Variants in WASF1 observed in about 807,000 individuals in gnomAD.
WASF1 encodes WASP family member 1.
In WASF1, 7 loss-of-function variants were observed where a neutral mutation model predicts 50.5. The observed-to-expected ratio is 0.14, with a 90% CI of 0.08 to 0.26. The LOEUF is 0.26. WASF1 is among the 10% of genes least tolerant of loss of function. WASF1 has a pLI of 1.00. For missense variants in WASF1, 470 were observed against 694.7 expected (o/e 0.68, Z 3.64); for synonymous variants, 205 against 244.0 (o/e 0.84, Z 1.49).
chr6:110,136,175 C>T (rs1013511296), intron 3 of WASF1, among the ~76,000 whole-genome samples: 6 of 152,048 alleles, frequency 3.9e-5, no homozygotes, highest in African/African-American at 7.2e-5. Flanking sequence ...TGAGCCACTG[C>T]GCCCAGCCAA....
chr6:110,101,338 A>C (rs1773075937), intron 10 of WASF1, among the ~76,000 whole-genome samples: 1 of 152,186 alleles, frequency 6.6e-6, no homozygotes, highest in Non-Finnish European at 1.5e-5. Flanking sequence ...TGATATATTA[A>C]ATTTCTCATT....
intron 4 of WASF1, among the ~76,000 whole-genome samples, chr6:110,120,690 A>G (rs1562168397): frequency 6.6e-6 from 1 of 152,258 alleles, no homozygotes. Context: ...AAACTACTTT[A>G]AAGTTCATAT....
intron 4 of WASF1, among the ~76,000 whole-genome samples, chr6:110,116,448 G>T (rs1316614866): frequency 6.6e-6 from 1 of 152,158 alleles, no homozygotes; most frequent in African/African-American, 2.4e-5. Context: ...GGCAGTCTGA[G>T]ATCAACCTGT....
At position 110,113,452 on chromosome 6, in the gene WASF1, C is replaced by A. The variant is rs770273389; in HGVS notation, c.142G>T (p.Ala48Ser). The A allele has an allele frequency of 1.3e-6, 2 of 1,588,810 alleles. No homozygotes were observed. The highest frequency in any genetic ancestry group is 8.5e-7 in the Non-Finnish European group (1 of 1,170,526). The change falls in exon 5 of 11, where the codon GCT becomes TCT. Residue 48 changes from alanine (A) to serine (S), a missense_variant. By Grantham distance (99) the Ala-to-Ser change is moderately conservative. Coordinates refer to ENST00000392589, the MANE Select transcript of WASF1 (RefSeq NM_003931.3). ...AATAATTCTCCAAATATATCTTCAGCATATTTACCTAAGCAAAAATGACAC... is the reference window on the plus strand; with the variant it reads ...AATAATTCTCCAAATATATCTTCAGAATATTTACCTAAGCAAAAATGACAC... ...IRQLSSLSKY[A>S]EDIFGELFNE...
In WASF1 at chr6:110,127,536, A is replaced by C; in HGVS notation, c.66T>G (p.Ile22Met). ...HLCHTALPRG[I>M]KNELECVTNI... ...TGGTTACACATTCCAGTTCATTCTTAATGCCTCTAGGCAGTGCTGTGTGGC... is the reference window on the plus strand; with the variant it reads ...TGGTTACACATTCCAGTTCATTCTTCATGCCTCTAGGCAGTGCTGTGTGGC... The change falls in exon 4 of 11, where the codon ATT becomes ATG. Residue 22 changes from isoleucine to methionine, a missense_variant. Transcript: ENST00000392589. 1.9e-6 allele frequency: 3 copies of C among 1,604,644 alleles called. No homozygotes were observed. Among genetic ancestry groups the C allele is most frequent in the Non-Finnish European group, 2.6e-6 (3 of 1,176,020 alleles).
intron 4 of WASF1, among the ~76,000 whole-genome samples, chr6:110,119,978 CA>C (rs1043316661): frequency 3.3e-5 from 5 of 152,114 alleles, no homozygotes; most frequent in Non-Finnish European, 5.9e-5. Context: ...AGGCCTTCAA[CA>C]AAATTCAACA....
At chr6:110,122,220 G>A (rs1392933383) in intron 4 of WASF1, among the ~76,000 whole-genome samples, 1 of 144,764 alleles carries the variant, frequency 6.9e-6, no homozygotes, top group Non-Finnish European at 1.5e-5. Flanking sequence ...GCAGATCTCC[G>A]ATTTTAAAAA....
At chr6:110,177,331 T>C (rs1220699180) in intron 2 of WASF1, 1 of 152,058 alleles carries the variant, frequency 6.6e-6, no homozygotes, top group Non-Finnish European at 1.5e-5. Flanking sequence ...TATGTAGGTA[T>C]TAACTGTAAT....
At chr6:110,134,284 G>T (rs899979913) in intron 3 of WASF1, among the ~76,000 whole-genome samples, 1 of 152,006 alleles carries the variant, frequency 6.6e-6, no homozygotes, top group Non-Finnish European at 1.5e-5. Context: ...GTGGCTTGCC[G>T]ATTATCGCAG....
intron 2 of WASF1, among the ~76,000 whole-genome samples, chr6:110,170,664 G>A (rs1229486206): frequency 1.3e-5 from 2 of 150,010 alleles, no homozygotes; most frequent in Non-Finnish European, 3.0e-5. Context: ...AAGAGACAGA[G>A]TAGATTAAAA....
At chr6:110,120,857 G>C (rs1156953732) in intron 4 of WASF1, among the ~76,000 whole-genome samples, 1 of 152,148 alleles carries the variant, frequency 6.6e-6, no homozygotes, top group African/African-American at 2.4e-5. Context: ...CAATGGAACA[G>C]AACAGAGCCC....
intron 3 of WASF1, among the ~76,000 whole-genome samples, chr6:110,133,753 A>G (rs1373450245): frequency 6.6e-6 from 1 of 151,800 alleles, no homozygotes; most frequent in Non-Finnish European, 1.5e-5. Context: ...ATTTGAGTTC[A>G]TTGTAGATTC....
At chr6:110,120,728 A>C (rs1020048849) in intron 4 of WASF1, among the ~76,000 whole-genome samples, 7 of 152,264 alleles carry the variant, frequency 4.6e-5, no homozygotes. Flanking sequence ...TGCATAGCCA[A>C]GACAATCCTA....
intron 3 of WASF1, among the ~76,000 whole-genome samples, chr6:110,128,511 CTTTA>C (rs1442223157): frequency 6.6e-6 from 1 of 152,178 alleles, no homozygotes; most frequent in Admixed American, 6.5e-5. Flanking sequence ...TCTACCAAAT[CTTTA>C]TTTAACTGAT....
At chr6:110,169,968 T>C (rs941752780) in intron 2 of WASF1, among the ~76,000 whole-genome samples, 29 of 152,066 alleles carry the variant, frequency 1.9e-4, no homozygotes. Flanking sequence ...GCATGTGATG[T>C]TCAAACTGCA....
In WASF1 at chr6:110,100,538, ACTT is replaced by A; in HGVS notation, c.1661_1663del (p.Glu554del). On this transcript the variant is annotated inframe_deletion, in exon 11 of 11. Transcript: ENST00000392589. ...GCATTTTTCTTACTCCAACCAATCT[ACTT>A]CATCAAATTCTGAATCATCTTCCGA... The A allele has an allele frequency of 6.2e-7, 1 of 1,612,380 alleles. No homozygotes were observed. The highest frequency in any genetic ancestry group is 2.2e-5 in the East Asian group (1 of 44,774).
chr6:110,179,665 C>G lies in WASF1; in HGVS notation c.-498G>C, dbSNP rs983083960. ...CTCGACGCGCGAGTGAACAACACCGCGAGCTGCCGTTCCCCCCGCCCCCTC... is the reference window on the plus strand; with the variant it reads ...CTCGACGCGCGAGTGAACAACACCGGGAGCTGCCGTTCCCCCCGCCCCCTC... On this transcript the variant is annotated 5_prime_UTR_variant, in exon 1 of 11. Coordinates refer to ENST00000392589, the MANE Select transcript of WASF1 (RefSeq NM_003931.3). 6.6e-6 allele frequency: 1 copy of G among 152,374 alleles called. No homozygotes were observed. The highest frequency in any genetic ancestry group is 6.5e-5 in the Admixed American group (1 of 15,280). The allele number at this position is 152,374 out of a possible 1,614,324, so 9.4% of individuals were successfully genotyped here. A position where few individuals can be genotyped will look rare whatever the true frequency, so the allele number is the denominator to read the frequency against.
chr6:110,124,974 C>A (rs746268640), intron 4 of WASF1, among the ~76,000 whole-genome samples: 37 of 152,094 alleles, frequency 2.4e-4, no homozygotes, highest in African/African-American at 4.8e-5. Flanking sequence ...CAGCCCTGAG[C>A]CATGTGGATC....
At chr6:110,173,544 G>A (rs919023525) in intron 2 of WASF1, among the ~76,000 whole-genome samples, 4 of 152,128 alleles carry the variant, frequency 2.6e-5, no homozygotes, top group African/African-American at 9.7e-5. Flanking sequence ...TGATCTATGA[G>A]AGGACTCAGT....
Sources: gnomAD v4.1 joint callset for allele counts (sites outside exome capture counted in the v4.1 genomes callset) on GRCh38, gnomAD v4.1.1 for gene constraint, MANE v1.5 for transcripts, NCBI Gene and HGNC (gene_info 2026-07-23, HGNC 2026-07-21) for gene names.